Variants in TNRC6A observed in about 807,000 individuals in gnomAD.
TNRC6A encodes trinucleotide repeat containing adaptor 6A.
In TNRC6A, 44 loss-of-function variants were observed where a neutral mutation model predicts 221.2. That is an observed-to-expected ratio of 0.20 (90% CI 0.16 to 0.26). The LOEUF is 0.26. Among genes scored for constraint, TNRC6A ranks in the 10% least tolerant of loss-of-function variants. The probability of loss-of-function intolerance (pLI) is 1.00; values close to 1 mark genes in which losing one functional copy is unlikely to be tolerated. For missense variants in TNRC6A, 2,199 were observed against 2,404.4 expected, an observed-to-expected ratio of 0.91 and a Z score of 1.79; for synonymous variants, 847 against 838.5, an observed-to-expected ratio of 1.01 and a Z score of -0.18.
chr16:24,621,444 C>T (rs966853319), intron 1 of TNRC6A, among the ~76,000 whole-genome samples: 31 of 150,148 alleles, frequency 2.1e-4, no homozygotes, highest in African/African-American at 5.9e-4. Flanking sequence ...CTGCAAACTC[C>T]GCCTCCCAGG....
At position 24,789,799 on chromosome 16, in the gene TNRC6A, G is replaced by A; in HGVS notation, c.1157G>A (p.Ser386Asn). The A allele has an allele frequency of 6.2e-7, 1 of 1,614,218 alleles. No individual in the cohort carries two copies. The highest frequency in any genetic ancestry group is 1.7e-5 in the Admixed American group (1 of 60,026). The change falls in exon 6 of 25, where the codon AGT becomes AAT. Residue 386 changes from serine to asparagine, a missense_variant. This residue lies in a region of TNRC6A where 1,405 missense variants were observed against 1,400.2 expected (regional missense o/e 1.00). Transcript: ENST00000395799. ...CTTGCCCTAAAAGGGCCTGTAGGGAGTGGTAGTTCTGGCATTAATATTCAG... is the reference window on the plus strand; with the variant it reads ...CTTGCCCTAAAAGGGCCTGTAGGGAATGGTAGTTCTGGCATTAATATTCAG... ...NGLALKGPVGSGSSGINIQCS... is the reference protein window; with the variant it reads ...NGLALKGPVGNGSSGINIQCS...
At chr16:24,666,652 AAAAAAAAAAAAAAAAAAT>A (rs1567338689) in intron 2 of TNRC6A, among the ~76,000 whole-genome samples, 1 of 121,610 alleles carries the variant, frequency 8.2e-6, no homozygotes, top group Non-Finnish European at 1.6e-5. Flanking sequence ...AAAAAAAAAA[AAAAAAAAAAAAAAAAAAT>A]ATATATATAT....
intron 1 of TNRC6A, among the ~76,000 whole-genome samples, chr16:24,621,895 T>C (rs556471605): frequency 1.3e-5 from 2 of 152,274 alleles, no homozygotes; most frequent in South Asian, 4.1e-4. Flanking sequence ...AATATGATGA[T>C]TTCACCCCAG....
intron 2 of TNRC6A, among the ~76,000 whole-genome samples, chr16:24,740,631 T>A (rs1222344794): frequency 6.6e-6 from 1 of 152,184 alleles, no homozygotes. Context: ...AGATTTTTTT[T>A]AAAGTTTTTT....
In TNRC6A at chr16:24,789,774, C is replaced by T. The variant is rs778474704; in HGVS notation, c.1132C>T (p.Leu378Phe). Residue 378 changes from leucine (L) to phenylalanine (F), a missense_variant, in exon 6 of 25, where the codon CTT becomes TTT. Around this residue, in one of 8 missense-constraint regions of TNRC6A, gnomAD observed 1,405 missense variants for 1,400.2 expected, o/e 1.00. Transcript: ENST00000395799. ...CTGGCCAGTATTAGAGAACAATGGA[C>T]TTGCCCTAAAAGGGCCTGTAGGGAG... ...GAWPVLENNG[L>F]ALKGPVGSGS... 6.8e-6 allele frequency: 11 copies of T among 1,614,030 alleles called. No homozygotes were observed. Among genetic ancestry groups the T allele is most frequent in the South Asian group, 6.6e-5 (6 of 91,080 alleles).
chr16:24,801,026 T>C (rs932236472), intron 11 of TNRC6A, among the ~76,000 whole-genome samples: 3 of 152,182 alleles, frequency 2.0e-5, no homozygotes, highest in Non-Finnish European at 2.9e-5. Context: ...CAATAAATGG[T>C]CATTATTTGA....
Position 24,805,396 on chromosome 16 carries a change from A to T in TNRC6A, c.4123-209A>T, listed in dbSNP as rs562804920. 88 of 899,386 alleles carry T rather than the reference A, an allele frequency of 9.8e-5. 1 individual carries two copies. In the South Asian group the frequency reaches 1.6e-3, roughly 16 times the overall value. 55.7% of individuals were successfully genotyped at this position (899,386 alleles called of 1,614,324 possible). ...GTAGGACAAAAGCAAAGTAAAATTG[A>T]CTAGTTTAAGATGCACCTCTGTCAT... On this transcript the variant is annotated intron_variant, in intron 14 of 24. Coordinates refer to ENST00000395799, the MANE Select transcript of TNRC6A (RefSeq NM_014494.4).
At chr16:24,738,936 C>T (rs1362625633) in intron 2 of TNRC6A, among the ~76,000 whole-genome samples, 1 of 152,222 alleles carries the variant, frequency 6.6e-6, no homozygotes, top group African/African-American at 2.4e-5. Context: ...TCACTGCAAC[C>T]TCCCACCTTC....
At chr16:24,731,680 C>G (rs530925594) in intron 2 of TNRC6A, among the ~76,000 whole-genome samples, 1 of 152,314 alleles carries the variant, frequency 6.6e-6, no homozygotes, top group South Asian at 2.1e-4. Flanking sequence ...TTTGTTTTAT[C>G]AGGTAACTAT....
In TNRC6A at chr16:24,824,935, T is replaced by C. The variant is rs1187594811; in HGVS notation, c.*1128T>C. 1 of 152,606 alleles carries C rather than the reference T, an allele frequency of 6.6e-6. No individual in the cohort carries two copies. Among genetic ancestry groups the C allele is most frequent in the Non-Finnish European group, 1.5e-5 (1 of 68,030 alleles). 9.5% of individuals were successfully genotyped at this position (152,606 alleles called of 1,614,324 possible). A position where few individuals can be genotyped will look rare whatever the true frequency, so the allele number is the denominator to read the frequency against. On this transcript the variant is annotated 3_prime_UTR_variant, in exon 25 of 25. Transcript: ENST00000395799. ...TGGAGTTTGACATTCTGCTTTCAGA[T>C]GCTGTCTTTTTATTAGTGAGTGATG...
At chr16:24,707,155 T>C (rs1468326532) in intron 2 of TNRC6A, among the ~76,000 whole-genome samples, 1 of 151,868 alleles carries the variant, frequency 6.6e-6, no homozygotes, top group Non-Finnish European at 1.5e-5. Flanking sequence ...GCCACCACAC[T>C]TGGCTAATTT....
chr16:24,723,823 G>A (rs2151102209), intron 2 of TNRC6A, among the ~76,000 whole-genome samples: 1 of 152,170 alleles, frequency 6.6e-6, no homozygotes, highest in Middle Eastern at 3.4e-3. Context: ...GAACTTGACT[G>A]AGAGTTGTTC....
At chr16:24,760,860 T>TA (rs1377825074) in intron 4 of TNRC6A, among the ~76,000 whole-genome samples, 3 of 152,206 alleles carry the variant, frequency 2.0e-5, no homozygotes, top group African/African-American at 4.8e-5. Flanking sequence ...TTGTCAAAAC[T>TA]AAAAAACCAA....
chr16:24,721,475 C>T (rs940178674), intron 2 of TNRC6A, among the ~76,000 whole-genome samples: 1 of 151,908 alleles, frequency 6.6e-6, no homozygotes, highest in Non-Finnish European at 1.5e-5. Flanking sequence ...TTGAGACTAG[C>T]CTGGGCAACA....
In TNRC6A at chr16:24,774,539, C is replaced by G. The variant is rs552514450; in HGVS notation, c.164-2394C>G. Among the ~76,000 whole-genome samples the G allele has an allele frequency of 7.2e-5, 11 of 152,282 alleles. No homozygotes were observed. The South Asian group carries it at 2.3e-3, about 32-fold the overall frequency. ...AAAGCATCTTCCTGCTCCTTTCTCA[C>G]AGACTTTGTTTGGACCTAAAACTGT... On this transcript the variant is annotated intron_variant, in intron 4 of 24. Coordinates refer to ENST00000395799, the MANE Select transcript of TNRC6A (RefSeq NM_014494.4).
At chr16:24,645,685 T>C in intron 2 of TNRC6A, among the ~76,000 whole-genome samples, 1 of 151,184 alleles carries the variant, frequency 6.6e-6, no homozygotes, top group South Asian at 2.1e-4. Context: ...ATTTACATAA[T>C]ACTGGTGATT....
At chr16:24,763,998 A>G (rs1312233014) in intron 4 of TNRC6A, among the ~76,000 whole-genome samples, 2 of 152,148 alleles carry the variant, frequency 1.3e-5, no homozygotes, top group African/African-American at 4.8e-5. Flanking sequence ...CCTAAAACCT[A>G]CTCTCAGCGA....
chr16:24,613,459 ATTTTATTTTATTTTATTTTATTT>A lies in TNRC6A; in HGVS notation n.276+2977_276+2999del, dbSNP rs1169094146. 4.1e-3 allele frequency among the ~76,000 whole-genome samples: 40 copies of A among 9,764 alleles called. 1 individual carries two copies. Among genetic ancestry groups the A allele is most frequent in the Non-Finnish European group, 5.6e-3 (27 of 4,834 alleles). 6.4% of individuals were successfully genotyped at this position (9,764 alleles called of 152,430 possible). A position where few individuals can be genotyped will look rare whatever the true frequency, so the allele number is the denominator to read the frequency against. ...AAAGCATTTTATTTTATTTTATTTT[ATTTTATTTTATTTTATTTTATTT>A]TATTTTATTTTATTTTATTTTATTT... is the stretch of plus-strand genomic sequence containing the variant. On this transcript the variant is annotated intron_variant and non_coding_transcript_variant, in intron 1 of 2. Coordinates refer to the TNRC6A transcript ENST00000566108.
intron 1 of TNRC6A, among the ~76,000 whole-genome samples, chr16:24,622,897 T>A (rs544790213): frequency 6.6e-6 from 1 of 152,344 alleles, no homozygotes; most frequent in Admixed American, 6.5e-5. Context: ...GCTCTTTTTA[T>A]CTGTGCGGTA....
Sources: allele counts gnomAD v4.1 joint callset (sites outside exome capture counted in the v4.1 genomes callset), GRCh38; gene constraint gnomAD v4.1.1; regional missense constraint gnomAD v4.1.1; transcripts MANE v1.5; gene names NCBI Gene and HGNC (gene_info 2026-07-23, HGNC 2026-07-21).